C4orf33: variants seen among roughly 807,000 people sequenced by gnomAD.
C4orf33 encodes UPF0462 protein C4orf33.
C4orf33 carries 20 observed loss-of-function variants against 24.3 expected under a neutral mutation model. That is an observed-to-expected ratio of 0.82 (90% CI 0.58 to 1.19). The LOEUF (loss-of-function observed/expected upper bound fraction) is 1.19. C4orf33 is among the 50% of genes most tolerant of loss of function. C4orf33 has a pLI of 0.00. For missense variants in C4orf33, 207 were observed against 225.9 expected, an observed-to-expected ratio of 0.92 and a Z score of 0.54; for synonymous variants, 67 against 76.4, an observed-to-expected ratio of 0.88 and a Z score of 0.64.
rs1256302695 is a variant in C4orf33 at position 129,112,856 on chromosome 4, G to C, written c.*1065G>C. The C allele has an allele frequency of 6.6e-6, 1 of 152,026 alleles. No individual in the cohort carries two copies. Among genetic ancestry groups the C allele is most frequent in the Admixed American group, 6.6e-5 (1 of 15,256 alleles). 9.4% of individuals were successfully genotyped at this position (152,026 alleles called of 1,614,324 possible). A position where few individuals can be genotyped will look rare whatever the true frequency, so the allele number is the denominator to read the frequency against. ...AAGTATCCTGACTACACATCATGGT[G>C]GCAGTGTTAGGCATCTTAGATAAAT... On this transcript the variant is annotated 3_prime_UTR_variant, in exon 6 of 6. Coordinates refer to ENST00000425929, the MANE Select transcript of C4orf33 (RefSeq NM_001099783.2).
intron 1 of C4orf33, among the ~76,000 whole-genome samples, chr4:129,097,535 A>G (rs2125798066): frequency 6.6e-6 from 1 of 152,326 alleles, no homozygotes; most frequent in African/African-American, 2.4e-5. Context: ...GCAGTTATAC[A>G]GTGTTTCATT....
chr4:129,103,247 C>T (rs1753417070), intron 2 of C4orf33, among the ~76,000 whole-genome samples: 1 of 151,960 alleles, frequency 6.6e-6, no homozygotes, highest in African/African-American at 2.4e-5. Flanking sequence ...TCTCGATCTC[C>T]TGACCACGTG....
chr4:129,100,469 C>A (rs1200758492), intron 1 of C4orf33, among the ~76,000 whole-genome samples: 1 of 152,080 alleles, frequency 6.6e-6, no homozygotes, highest in African/African-American at 2.4e-5. Flanking sequence ...GTCTACCACA[C>A]TCTGACCATG....
At position 129,106,655 on chromosome 4, in the gene C4orf33, T is replaced by G; in HGVS notation, c.242+8T>G. On this transcript the variant is annotated splice_region_variant and intron_variant, in intron 3 of 5. Transcript: ENST00000425929. The stretch of plus-strand genomic sequence containing the variant: ...AGAAGTTGAACTTTGTCCGTAAGTA[T>G]AAAATGTTTTTTCTTACTTATTACT... 7.0e-7 allele frequency: 1 copy of G among 1,432,646 alleles called. No individual in the cohort carries two copies. Among genetic ancestry groups the G allele is most frequent in the Non-Finnish European group, 9.6e-7 (1 of 1,037,174 alleles). 88.7% of individuals were successfully genotyped at this position (1,432,646 alleles called of 1,614,324 possible). A position where few individuals can be genotyped will look rare whatever the true frequency, so the allele number is the denominator to read the frequency against.
chr4:129,096,365 C>A (rs1266273230), intron 1 of C4orf33, 156 bp downstream of exon 1: 1 of 152,170 alleles, frequency 6.6e-6, no homozygotes, highest in Non-Finnish European at 1.5e-5. Context: ...GGCTGACTTC[C>A]TCATTTCTCC....
At chr4:129,102,551 G>T (rs1753387137) in intron 1 of C4orf33, 51 bp from the exon 2 acceptor site, 4 of 1,367,694 alleles carry the variant, frequency 2.9e-6, no homozygotes, top group Non-Finnish European at 3.0e-6. Context: ...TCCAACTAAA[G>T]AAAACATTTG....
chr4:129,114,820 G>A lies in C4orf33; in HGVS notation c.*3029G>A, dbSNP rs958678832. The A allele has an allele frequency of 3.3e-5, 5 of 152,182 alleles. 1 individual carries two copies. In the South Asian group the frequency reaches 1.0e-3, roughly 31 times the overall value. The allele number at this position is 152,182 out of a possible 1,614,324, so 9.4% of individuals were successfully genotyped here. A position where few individuals can be genotyped will look rare whatever the true frequency, so the allele number is the denominator to read the frequency against. Reference sequence around the variant, plus strand: ...AAATAGAAGCGGGCTACCATGCAGAGCTAGAGTTATAACTATTAATGGAAG... The same window carrying A: ...AAATAGAAGCGGGCTACCATGCAGAACTAGAGTTATAACTATTAATGGAAG... On this transcript the variant is annotated 3_prime_UTR_variant, in exon 6 of 6. Transcript: ENST00000425929.
At chr4:129,110,539 A>G (rs1196149288) in intron 5 of C4orf33, among the ~76,000 whole-genome samples, 1 of 152,140 alleles carries the variant, frequency 6.6e-6, no homozygotes, top group African/African-American at 2.4e-5. Context: ...TATACTCACT[A>G]TGGCCAAGGT....
chr4:129,102,504 C>A, intron 1 of C4orf33, 98 bp from the exon 2 acceptor site: 1 of 860,432 alleles, frequency 1.2e-6, no homozygotes, highest in Non-Finnish European at 1.8e-6. Flanking sequence ...TGCTGCCTTT[C>A]CCGTCTGCTG....
At position 129,112,915 on chromosome 4, in the gene C4orf33, TAATTA is replaced by T. The variant is rs1436291680; in HGVS notation, c.*1126_*1130del. The T allele has an allele frequency of 6.6e-6, 1 of 152,182 alleles. No individual in the cohort carries two copies. Among genetic ancestry groups the T allele is most frequent in the Non-Finnish European group, 1.5e-5 (1 of 68,020 alleles). 9.4% of individuals were successfully genotyped at this position (152,182 alleles called of 1,614,324 possible). On this transcript the variant is annotated 3_prime_UTR_variant, in exon 6 of 6. Transcript: ENST00000425929. ...TATTCTTAAAACTGACAATAGCAAC[TAATTA>T]ATTTGATATAGAAACGATCTGCCTG...
rs1262176973 is a variant in C4orf33, at chr4:129,114,474, T to A, written c.*2683T>A. On this transcript the variant is annotated 3_prime_UTR_variant, in exon 6 of 6. Transcript: ENST00000425929. ...TCATTTTCTGTTTTGCTCTTCCTGG[T>A]ACCTCTCTCCTCTCTGGAATTGCTT... 1 of 152,296 alleles carries A rather than the reference T, an allele frequency of 6.6e-6. No homozygotes were observed. The highest frequency in any genetic ancestry group is 1.5e-5 in the Non-Finnish European group (1 of 68,098). The allele number at this position is 152,296 out of a possible 1,614,324, so 9.4% of individuals were successfully genotyped here. A position where few individuals can be genotyped will look rare whatever the true frequency, so the allele number is the denominator to read the frequency against.
chr4:129,111,612 A>T, intron 5 of C4orf33, 74 bp from the exon 6 acceptor site: 1 of 803,326 alleles, frequency 1.2e-6, no homozygotes, highest in East Asian at 2.5e-5. Context: ...GACAAAATAA[A>T]TAGCCCTTCA....
At chr4:129,095,725 G>T (rs1240706694), upstream of C4orf33, among the ~76,000 whole-genome samples, 2 of 152,208 alleles carry the variant, frequency 1.3e-5, no homozygotes, top group Non-Finnish European at 2.9e-5. Flanking sequence ...CAGCTGGCAA[G>T]TGCCTGAGTT....
rs994702751 is a variant in C4orf33, at chr4:129,108,256, G to A, written c.243-1051G>A. 3.3e-5 allele frequency among the ~76,000 whole-genome samples: 5 copies of A among 152,258 alleles called. No individual in the cohort carries two copies. The East Asian group carries it at 9.6e-4, about 29-fold the overall frequency. On this transcript the variant is annotated intron_variant, in intron 3 of 5. Transcript: ENST00000425929. ...CTGAAAAGCTCTCAAAAGAGTACCT[G>A]TATAGAAATGTTTTAATATATAGGT...
At position 129,107,482 on chromosome 4, in the gene C4orf33, G is replaced by A. The variant is rs893650723; in HGVS notation, c.242+835G>A. Among the ~76,000 whole-genome samples the A allele has an allele frequency of 3.3e-5, 5 of 152,048 alleles. No individual in the cohort carries two copies. In the South Asian group the frequency reaches 8.3e-4, roughly 25 times the overall value. ...TCAGAAGCCATTGCTCCTTTTGTAG[G>A]CTGGACAGAGAGCTCCAAACAATTG... On this transcript the variant is annotated intron_variant, in intron 3 of 5. Transcript: ENST00000425929.
chr4:129,114,031 A>T lies in C4orf33; in HGVS notation c.*2240A>T, dbSNP rs1340614306. On this transcript the variant is annotated 3_prime_UTR_variant, in exon 6 of 6. Coordinates refer to ENST00000425929, the MANE Select transcript of C4orf33 (RefSeq NM_001099783.2). ...ACAGCATTTATTTCACTGGTCCTAG[A>T]TAGCTCTTCTGACCCACCTCCTATC... 1 of 152,172 alleles carries T rather than the reference A, an allele frequency of 6.6e-6. No homozygotes were observed. Among genetic ancestry groups the T allele is most frequent in the African/African-American group, 2.4e-5 (1 of 41,426 alleles). The allele number at this position is 152,172 out of a possible 1,614,324, so 9.4% of individuals were successfully genotyped here.
intron 2 of C4orf33, among the ~76,000 whole-genome samples, chr4:129,104,414 A>G (rs373944738): frequency 3.3e-5 from 5 of 152,168 alleles, no homozygotes; most frequent in African/African-American, 1.2e-4. Flanking sequence ...CTCATCCTTC[A>G]GCTACCTAAA....
intron 1 of C4orf33, among the ~76,000 whole-genome samples, chr4:129,101,005 C>A (rs1753334332): frequency 6.6e-6 from 1 of 152,044 alleles, no homozygotes; most frequent in African/African-American, 2.4e-5. Flanking sequence ...CCACTTAAAT[C>A]CGAATCAATT....
chr4:129,106,319 A>G (rs1215218496), intron 2 of C4orf33, among the ~76,000 whole-genome samples: 2 of 152,076 alleles, frequency 1.3e-5, no homozygotes, highest in African/African-American at 4.8e-5. Context: ...TTTATGTGAT[A>G]ATGTTAATTT....
Sources: allele counts gnomAD v4.1 joint callset (sites outside exome capture counted in the v4.1 genomes callset), GRCh38; gene constraint gnomAD v4.1.1; transcripts MANE v1.5; gene names NCBI Gene and HGNC (gene_info 2026-07-23, HGNC 2026-07-21).